NKAIN3: variants seen among roughly 807,000 people sequenced by gnomAD.
NKAIN3 encodes sodium/potassium transporting ATPase interacting 3.
Under a neutral mutation model 30.2 loss-of-function variants are expected in NKAIN3, and 25 were observed. The observed-to-expected ratio is 0.83, with a 90% CI of 0.60 to 1.16. NKAIN3 has a LOEUF of 1.16. Ranked by LOEUF, NKAIN3 falls within the 50% of genes most tolerant of loss-of-function variation. The pLI, the probability that NKAIN3 is intolerant of heterozygous loss-of-function variation, is 0.00. For synonymous variants in NKAIN3, 91 were observed against 89.6 expected (o/e 1.02, Z -0.09); for missense variants, 225 against 254.1 (o/e 0.89, Z 0.78).
chr8:62,851,873 G>A (rs1268971720), intron 4 of NKAIN3, among the ~76,000 whole-genome samples: 2 of 152,140 alleles, frequency 1.3e-5, no homozygotes, highest in Non-Finnish European at 2.9e-5. Flanking sequence ...TTTTATTGAG[G>A]ATTTTTGCAG....
intron 1 of NKAIN3, among the ~76,000 whole-genome samples, chr8:62,439,673 T>C (rs1805268314): frequency 6.6e-6 from 1 of 152,232 alleles, no homozygotes; most frequent in Admixed American, 6.5e-5. Flanking sequence ...TGGATTCAAA[T>C]GCTGAATGTT....
rs536716830 is a variant in NKAIN3 at position 62,804,661 on chromosome 8, A to C, written c.471+57532A>C. Among the ~76,000 whole-genome samples the C allele has an allele frequency of 2.6e-3, 403 of 152,326 alleles. 1 individual carries two copies. Among genetic ancestry groups the C allele is most frequent in the African/African-American group, 9.3e-3 (388 of 41,576 alleles). ...TGATGGGATGTACCTCAAAATAATA[A>C]GAGCTATCTATGACAAACCCACAGC... On this transcript the variant is annotated intron_variant, in intron 4 of 6. Coordinates refer to ENST00000623646, the MANE Select transcript of NKAIN3 (RefSeq NM_001304533.3).
chr8:62,514,830 G>A (rs761175752), intron 1 of NKAIN3, among the ~76,000 whole-genome samples: 3 of 152,176 alleles, frequency 2.0e-5, no homozygotes, highest in South Asian at 2.1e-4. Context: ...CTCCTGAATC[G>A]TCAACATTCA....
Position 62,515,118 on chromosome 8 carries a change from T to G in NKAIN3, c.55-64421T>G, listed in dbSNP as rs73267388. 1.7e-3 allele frequency among the ~76,000 whole-genome samples: 259 copies of G among 152,236 alleles called. 1 individual carries two copies. Among genetic ancestry groups the G allele is most frequent in the African/African-American group, 5.9e-3 (247 of 41,562 alleles). ...ACTGTAATACATCATGACAATATTGTTTTGTCTGGGTATGTTTTCACAAAA... is the reference window on the plus strand; with the variant it reads ...ACTGTAATACATCATGACAATATTGGTTTGTCTGGGTATGTTTTCACAAAA... On this transcript the variant is annotated intron_variant, in intron 1 of 6. Transcript: ENST00000623646.
intron 1 of NKAIN3, among the ~76,000 whole-genome samples, chr8:62,401,013 T>TCTCTCTCTCTCTCTCTCTCTCTCTCTC (rs1803847170): frequency 7.0e-6 from 1 of 143,742 alleles, no homozygotes; most frequent in Admixed American, 6.9e-5. Flanking sequence ...CTTTCTACCT[T>TCTCTCTCTCTCTCTCTCTCTCTCTCTC]TCTCTCACTC....
chr8:62,509,431 C>T (rs923857500), intron 1 of NKAIN3, among the ~76,000 whole-genome samples: 1 of 152,122 alleles, frequency 6.6e-6, no homozygotes, highest in Non-Finnish European at 1.5e-5. Flanking sequence ...TGCTGAGCTT[C>T]CCCTGTCTGC....
chr8:62,894,216 AG>A (rs1315095000), intron 4 of NKAIN3, among the ~76,000 whole-genome samples: 4 of 152,302 alleles, frequency 2.6e-5, no homozygotes, highest in African/African-American at 9.6e-5. Flanking sequence ...ACAGAAAATT[AG>A]GGTTGAGCTG....
chr8:62,357,791 A>G (rs1030158583), intron 1 of NKAIN3, among the ~76,000 whole-genome samples: 2 of 152,164 alleles, frequency 1.3e-5, no homozygotes, highest in Non-Finnish European at 2.9e-5. Flanking sequence ...AAAAAGAGAG[A>G]TATGTTGGAT....
chr8:62,708,205 C>T lies in NKAIN3; in HGVS notation c.274-38727C>T, dbSNP rs777170092. Among the ~76,000 whole-genome samples the T allele has an allele frequency of 5.9e-5, 9 of 152,136 alleles. No homozygotes were observed. In the Middle Eastern group the frequency reaches 0.01, roughly 172 times the overall value. On this transcript the variant is annotated intron_variant, in intron 3 of 6. Coordinates refer to ENST00000623646, the MANE Select transcript of NKAIN3 (RefSeq NM_001304533.3). ...TTTGCTTAGTCTTGCTTTGGCTATG[C>T]GGGCTCTTTTTTGATACCATATGAA...
At chr8:62,682,876 A>G (rs1257805717) in intron 3 of NKAIN3, among the ~76,000 whole-genome samples, 1 of 151,964 alleles carries the variant, frequency 6.6e-6, no homozygotes, top group Non-Finnish European at 1.5e-5. Context: ...CTCTGCCCCA[A>G]CCTGATGGTC....
chr8:62,739,745 G>A (rs577693646), intron 3 of NKAIN3, among the ~76,000 whole-genome samples: 5 of 152,220 alleles, frequency 3.3e-5, no homozygotes, highest in Admixed American at 2.6e-4. Context: ...TCTGACTCTT[G>A]TCTATAATTA....
chr8:62,372,307 A>G (rs1816937046), intron 1 of NKAIN3, among the ~76,000 whole-genome samples: 1 of 151,896 alleles, frequency 6.6e-6, no homozygotes, highest in South Asian at 2.1e-4. Context: ...CTTCAGTCTT[A>G]TTTCTCTAGA....
intron 1 of NKAIN3, among the ~76,000 whole-genome samples, chr8:62,569,633 AG>A (rs2130013118): frequency 6.6e-6 from 1 of 152,220 alleles, no homozygotes; most frequent in East Asian, 1.9e-4. Flanking sequence ...AAAATTAGCC[AG>A]GCATGGTGAC....
chr8:62,249,166 T>A (rs1242364934), intron 1 of NKAIN3, 39 bp downstream of exon 1: 11 of 1,496,816 alleles, frequency 7.3e-6, no homozygotes, highest in Non-Finnish European at 9.8e-6. Flanking sequence ...GACAGGTCCC[T>A]GCTCCAGGAC....
At chr8:62,472,520 C>G (rs956503163) in intron 1 of NKAIN3, among the ~76,000 whole-genome samples, 1 of 152,130 alleles carries the variant, frequency 6.6e-6, no homozygotes, top group African/African-American at 2.4e-5. Flanking sequence ...ATCACCTCAA[C>G]TTAGTAGGGT....
intron 1 of NKAIN3, among the ~76,000 whole-genome samples, chr8:62,320,632 C>G (rs60636518): frequency 0.033 from 5,062 of 152,190 alleles, 312 homozygotes; most frequent in African/African-American, 0.12. Context: ...ATTGAAAATT[C>G]TTTTCTTTAA....
chr8:62,626,589 C>A (rs1811796007), intron 3 of NKAIN3, among the ~76,000 whole-genome samples: 2 of 152,064 alleles, frequency 1.3e-5, no homozygotes, highest in Admixed American at 1.3e-4. Flanking sequence ...GCTTTGGGGA[C>A]AGACTCCTGG....
intron 1 of NKAIN3, among the ~76,000 whole-genome samples, chr8:62,299,887 A>C (rs562558311): frequency 1.3e-5 from 2 of 152,242 alleles, no homozygotes; most frequent in South Asian, 4.1e-4. Context: ...TTCCTGGCAT[A>C]GTTTTAGTTT....
chr8:62,996,372 T>C (rs1804114227), intron 5 of NKAIN3, among the ~76,000 whole-genome samples: 1 of 151,156 alleles, frequency 6.6e-6, no homozygotes, highest in Non-Finnish European at 1.5e-5. Context: ...CGAAACCACC[T>C]CCATTATCCA....
Sources: gnomAD v4.1 joint callset for allele counts (sites outside exome capture counted in the v4.1 genomes callset) on GRCh38, gnomAD v4.1.1 for gene constraint, MANE v1.5 for transcripts, NCBI Gene and HGNC (gene_info 2026-07-23, HGNC 2026-07-21) for gene names.